Variants in NR4A3 observed in about 807,000 individuals in gnomAD.
NR4A3 encodes chondrosarcoma, extraskeletal myxoid, fused to EWS.
NR4A3 carries 13 observed loss-of-function variants against 55.6 expected under a neutral mutation model. The ratio of observed to expected loss-of-function variants is 0.23; its 90% CI spans 0.15 to 0.37. The LOEUF (loss-of-function observed/expected upper bound fraction) is 0.37, where lower values mean the gene tolerates loss of function less well. NR4A3 is among the 10% of genes least tolerant of loss of function. The probability of loss-of-function intolerance (pLI) is 1.00; values close to 1 mark genes in which losing one functional copy is unlikely to be tolerated. For missense variants in NR4A3, 646 were observed against 822.8 expected, an observed-to-expected ratio of 0.79 and a Z score of 2.63; for synonymous variants, 342 against 357.9, an observed-to-expected ratio of 0.96 and a Z score of 0.50.
At chr9:99,862,963 C>T (rs1365940884) in intron 7 of NR4A3, among the ~76,000 whole-genome samples, 4 of 151,892 alleles carry the variant, frequency 2.6e-5, no homozygotes, top group African/African-American at 9.7e-5. Flanking sequence ...TGTAGGTCAA[C>T]AGGGGTTTCA....
chr9:99,863,614 C>T lies in NR4A3; in HGVS notation c.1634-6C>T, dbSNP rs776063132. 14 of 1,612,502 alleles carry T rather than the reference C, an allele frequency of 8.7e-6. No homozygotes were observed. In the African/African-American group the frequency reaches 1.1e-4, roughly 12 times the overall value. On this transcript the variant is annotated splice_polypyrimidine_tract_variant and splice_region_variant and intron_variant, in intron 7 of 7. Coordinates refer to ENST00000395097, the MANE Select transcript of NR4A3 (RefSeq NM_006981.4). ...AAACTTCTTGCCCTTCTCTATCCCTCTGCAGAAAGACATGGGTTAAAAGAA... is the reference window on the plus strand; with the variant it reads ...AAACTTCTTGCCCTTCTCTATCCCTTTGCAGAAAGACATGGGTTAAAAGAA...
In NR4A3 at chr9:99,828,494, A is replaced by G. The variant is rs759957785; in HGVS notation, c.452A>G (p.Gln151Arg). The change falls in exon 3 of 8, where the codon CAG (glutamine) becomes CGG (arginine). Residue 151 changes from glutamine (Q) to arginine (R), a missense_variant. This residue lies in a region of NR4A3 where 426 missense variants were observed against 429.4 expected (regional missense o/e 0.99). Transcript: ENST00000395097. This position sits in a 1 kb window ranked among gnomAD's most constrained non-coding sequence, Gnocchi z 7.7. ...CCCACCACGCCGGCCTTCCCCCCGC[A>G]GGCGGGGGCGTTATGGGACGAGGCA... The part of the protein sequence containing the change: ...STPTTPAFPP[Q>R]AGALWDEALP... 5.1e-6 allele frequency: 8 copies of G among 1,579,972 alleles called. No homozygotes were observed. The South Asian group carries it at 8.2e-5, about 16-fold the overall frequency.
intron 2 of NR4A3, among the ~76,000 whole-genome samples, chr9:99,826,506 A>T (rs896677236): frequency 2.0e-5 from 3 of 152,260 alleles, no homozygotes; most frequent in Non-Finnish European, 4.4e-5. Flanking sequence ...AAAGAATGAC[A>T]GAAAAGAGTA....
Position 99,828,813 on chromosome 9 carries a change from G to T in NR4A3, c.771G>T (p.Pro257=), listed in dbSNP as rs1056137670. Residue 257 remains proline, a synonymous_variant, in exon 3 of 8, where the codon CCG becomes CCT. Coordinates refer to ENST00000395097, the MANE Select transcript of NR4A3 (RefSeq NM_006981.4). The surrounding 1 kb of genome is among the most constrained non-coding windows in gnomAD (Gnocchi z 7.7). The stretch of plus-strand genomic sequence containing the variant: ...AGAGGGCGGCCCCGCTGGCCTTCCC[G>T]CCTCTCGGCCTCACGCCCTCCCCTA... The part of the protein sequence containing the change: ...LAKRAAPLAF[P]PLGLTPSPTA... The T allele has an allele frequency of 3.4e-5, 50 of 1,472,498 alleles. 1 individual carries two copies. Among genetic ancestry groups the T allele is most frequent in the South Asian group, 6.4e-5 (5 of 78,536 alleles). 91.2% of individuals were successfully genotyped at this position (1,472,498 alleles called of 1,614,324 possible). A position where few individuals can be genotyped will look rare whatever the true frequency, so the allele number is the denominator to read the frequency against.
rs191007431 is a variant in NR4A3, at chr9:99,844,963, A to C, written c.1454+115A>C. ...TCTCAAGAAGCAAATGTGAAATATG[A>C]TCAGGCACTAAAAAGACTGAGCAGC... On this transcript the variant is annotated intron_variant, in intron 6 of 7. Coordinates refer to ENST00000395097, the MANE Select transcript of NR4A3 (RefSeq NM_006981.4). The C allele has an allele frequency of 4.8e-6, 4 of 833,862 alleles. No homozygotes were observed. The South Asian group carries it at 6.4e-5, about 13-fold the overall frequency. 51.7% of individuals were successfully genotyped at this position (833,862 alleles called of 1,614,324 possible).
chr9:99,828,480 G>C lies in NR4A3; in HGVS notation c.438G>C (p.Pro146=), dbSNP rs748323199. 2 of 1,577,454 alleles carry C rather than the reference G, an allele frequency of 1.3e-6. No individual in the cohort carries two copies. The highest frequency in any genetic ancestry group is 1.8e-5 in the Admixed American group (1 of 54,776). The part of the protein sequence containing the change: ...KQSPPSTPTT[P]AFPPQAGALW... ...CCCCACCGTCCACCCCCACCACGCC[G>C]GCCTTCCCCCCGCAGGCGGGGGCGT... Residue 146 remains proline, a synonymous_variant, in exon 3 of 8, where the codon CCG becomes CCC. Transcript: ENST00000395097. This position sits in a 1 kb window ranked among gnomAD's most constrained non-coding sequence, Gnocchi z 7.7.
intron 7 of NR4A3, 108 bp from the exon 8 acceptor site, chr9:99,863,512 G>T: frequency 7.3e-7 from 1 of 1,366,168 alleles, no homozygotes; most frequent in Non-Finnish European, 1.0e-6. Context: ...TGATTGCAAA[G>T]AAGCTATCCA....
intron 7 of NR4A3, among the ~76,000 whole-genome samples, chr9:99,858,153 G>C (rs1488448262): frequency 1.8e-4 from 27 of 152,192 alleles, no homozygotes. Context: ...CAAAGGGATA[G>C]ATTAGAATGC....
chr9:99,856,091 C>T (rs902257570), intron 7 of NR4A3, among the ~76,000 whole-genome samples: 3 of 151,970 alleles, frequency 2.0e-5, no homozygotes, highest in Non-Finnish European at 4.4e-5. Flanking sequence ...GGACTGGGGT[C>T]GGAGGAATGG....
At chr9:99,832,855 C>A (rs1434072327) in intron 4 of NR4A3, 37 bp downstream of exon 4, 1 of 1,416,088 alleles carries the variant, frequency 7.1e-7, no homozygotes, top group Non-Finnish European at 9.3e-7. Flanking sequence ...TTTGCTTATA[C>A]ATATTATCAG....
intron 7 of NR4A3, among the ~76,000 whole-genome samples, chr9:99,850,890 C>T (rs1827837559): frequency 6.6e-6 from 1 of 152,158 alleles, no homozygotes; most frequent in Admixed American, 6.5e-5. Flanking sequence ...CATATGCCTT[C>T]CCCTACCCCT....
At chr9:99,827,995 C>A in intron 2 of NR4A3, 46 bp from the exon 3 acceptor site, 1 of 1,565,842 alleles carries the variant, frequency 6.4e-7, no homozygotes. Flanking sequence ...GGCTAGAAAA[C>A]AAGTGTTAAC....
At position 99,825,460 on chromosome 9, in the gene NR4A3, C is replaced by T. The variant is rs944721666; in HGVS notation, c.-176-199C>T. ...TCCAACAACCTTTCCTCGGCTTCCC[C>T]GAGGCCGTGTGATGCTTCTTGCCCA... On this transcript the variant is annotated intron_variant, in intron 1 of 7. Transcript: ENST00000395097. This position sits in a 1 kb window ranked among gnomAD's most constrained non-coding sequence, Gnocchi z 5.0. 6.6e-6 allele frequency among the ~76,000 whole-genome samples: 1 copy of T among 152,164 alleles called. No individual in the cohort carries two copies. Among genetic ancestry groups the T allele is most frequent in the African/African-American group, 2.4e-5 (1 of 41,436 alleles).
At chr9:99,862,956 A>G (rs1182915553) in intron 7 of NR4A3, among the ~76,000 whole-genome samples, 4 of 152,146 alleles carry the variant, frequency 2.6e-5, no homozygotes, top group African/African-American at 9.7e-5. Flanking sequence ...TGCCAGGTGT[A>G]GGTCAACAGG....
chr9:99,849,187 G>C (rs1296825663), intron 7 of NR4A3, among the ~76,000 whole-genome samples: 1 of 152,202 alleles, frequency 6.6e-6, no homozygotes, highest in Admixed American at 6.5e-5. Flanking sequence ...GCTAAGGTTA[G>C]ATGTGTCTGT....
chr9:99,861,134 C>G (rs1365475054), intron 7 of NR4A3, among the ~76,000 whole-genome samples: 1 of 152,216 alleles, frequency 6.6e-6, no homozygotes, highest in Admixed American at 6.5e-5. Flanking sequence ...GTGCCCATCT[C>G]TTTATAGCAT....
At chr9:99,837,224 T>G (rs1827573308) in intron 5 of NR4A3, among the ~76,000 whole-genome samples, 1 of 152,222 alleles carries the variant, frequency 6.6e-6, no homozygotes, top group Non-Finnish European at 1.5e-5. Context: ...TCCAGCTCTG[T>G]GTGGTATTAT....
At chr9:99,840,827 A>C (rs578098460) in intron 5 of NR4A3, among the ~76,000 whole-genome samples, 2 of 152,318 alleles carry the variant, frequency 1.3e-5, no homozygotes, top group Middle Eastern at 3.4e-3. Context: ...ATCTGCCCTG[A>C]ATTTCATTCT....
chr9:99,833,829 C>T (rs1827497831), intron 5 of NR4A3: 1 of 1,288,056 alleles, frequency 7.8e-7, no homozygotes, highest in Non-Finnish European at 9.9e-7. Flanking sequence ...TCTGGGTGAG[C>T]CTCAAGTTAT....
Sources: allele counts gnomAD v4.1 joint callset (sites outside exome capture counted in the v4.1 genomes callset), GRCh38; gene constraint gnomAD v4.1.1; regional missense constraint gnomAD v4.1.1; non-coding constraint Gnocchi (gnomAD v3.1); transcripts MANE v1.5; gene names NCBI Gene and HGNC (gene_info 2026-07-23, HGNC 2026-07-21).